ITPRID1: variants seen among roughly 807,000 people sequenced by gnomAD.
The protein encoded by ITPRID1 is ITPR interacting domain containing 1.
ITPRID1 carries 96 observed loss-of-function variants against 95.4 expected under a neutral mutation model. That is an observed-to-expected ratio of 1.01 (90% CI 0.85 to 1.19). ITPRID1 has a LOEUF of 1.19. Among genes scored for constraint, ITPRID1 ranks in the 50% most tolerant of loss-of-function variants. ITPRID1 has a pLI of 0.00. For synonymous variants in ITPRID1, 510 were observed against 453.6 expected (o/e 1.12, Z -1.58); for missense variants, 1,339 against 1,252.9 (o/e 1.07, Z -1.04).
At chr7:31,556,951 G>T (rs1293768988) in intron 5 of ITPRID1, among the ~76,000 whole-genome samples, 2 of 151,864 alleles carry the variant, frequency 1.3e-5, no homozygotes, top group African/African-American at 2.4e-5. Context: ...AATCCCTCCT[G>T]GTTTCTTTCT....
At chr7:31,555,553 A>C (rs1384398151) in intron 5 of ITPRID1, among the ~76,000 whole-genome samples, 2 of 152,096 alleles carry the variant, frequency 1.3e-5, no homozygotes, top group African/African-American at 4.8e-5. Flanking sequence ...AGAAAAAAAA[A>C]ACAAAACCTG....
chr7:31,645,842 A>G (rs1323739412), intron 12 of ITPRID1, among the ~76,000 whole-genome samples: 3 of 152,166 alleles, frequency 2.0e-5, no homozygotes, highest in African/African-American at 7.2e-5. Context: ...AGCCACCACA[A>G]CAATGAATTC....
intron 1 of ITPRID1, among the ~76,000 whole-genome samples, chr7:31,542,831 T>C (rs938435599): frequency 1.1e-4 from 16 of 152,160 alleles, no homozygotes; most frequent in African/African-American, 3.6e-4. Flanking sequence ...CTGACAACTC[T>C]TAAGACATTT....
At chr7:31,557,943 G>A (rs1274645367) in intron 5 of ITPRID1, among the ~76,000 whole-genome samples, 1 of 152,184 alleles carries the variant, frequency 6.6e-6, no homozygotes, top group Non-Finnish European at 1.5e-5. Flanking sequence ...AACTCATGTT[G>A]AAACTTAATC....
chr7:31,619,497 A>G (rs1328143348), intron 10 of ITPRID1, among the ~76,000 whole-genome samples: 2 of 152,172 alleles, frequency 1.3e-5, no homozygotes, highest in Non-Finnish European at 2.9e-5. Flanking sequence ...GTATCATAGC[A>G]TTTTGATAAG....
chr7:31,629,224 C>A lies in ITPRID1; in HGVS notation c.1229-12952C>A, dbSNP rs1447595362. Among the ~76,000 whole-genome samples, 4 of 152,110 alleles carry A rather than the reference C, an allele frequency of 2.6e-5. No individual in the cohort carries two copies. The East Asian group carries it at 7.7e-4, about 29-fold the overall frequency. ...AAATCGGATCTGCCCTCCTTTTTGTCTCAGGAATATCTACTAAGTATCTAT... is the reference window on the plus strand; with the variant it reads ...AAATCGGATCTGCCCTCCTTTTTGTATCAGGAATATCTACTAAGTATCTAT... On this transcript the variant is annotated intron_variant, in intron 10 of 14. Coordinates refer to ENST00000615280, the MANE Select transcript of ITPRID1 (RefSeq NM_001257967.3).
rs923325426 is a variant in ITPRID1 at position 31,562,054 on chromosome 7, A to G, written c.256+7153A>G. ...TGAAAGCTATGTATTTAAAAAAAAA[A>G]AAAAAAAAAAAAAAAAGCCTGGAGA... On this transcript the variant is annotated intron_variant, in intron 5 of 14. Transcript: ENST00000615280. Among the ~76,000 whole-genome samples, 41 of 140,524 alleles carry G rather than the reference A, an allele frequency of 2.9e-4. 2 individuals carry two copies. Among genetic ancestry groups the G allele is most frequent in the African/African-American group, 9.2e-4 (36 of 38,922 alleles). The allele number at this position is 140,524 out of a possible 152,430, so 92.2% of individuals were successfully genotyped here. A position where few individuals can be genotyped will look rare whatever the true frequency, so the allele number is the denominator to read the frequency against.
chr7:31,613,668 A>G (rs902545573), intron 10 of ITPRID1, among the ~76,000 whole-genome samples: 3 of 152,198 alleles, frequency 2.0e-5, no homozygotes, highest in African/African-American at 7.2e-5. Flanking sequence ...TTAAATTCAC[A>G]CATGATCAGC....
At chr7:31,616,903 T>G (rs1386827678) in intron 10 of ITPRID1, among the ~76,000 whole-genome samples, 1 of 152,204 alleles carries the variant, frequency 6.6e-6, no homozygotes, top group African/African-American at 2.4e-5. Flanking sequence ...CTTTTTGCCT[T>G]CTTGGTGGTT....
At chr7:31,565,625 C>CT (rs1784772634) in intron 5 of ITPRID1, among the ~76,000 whole-genome samples, 1 of 152,100 alleles carries the variant, frequency 6.6e-6, no homozygotes. Context: ...GTAATCTCAG[C>CT]TACTAGTGAG....
intron 1 of ITPRID1, among the ~76,000 whole-genome samples, chr7:31,539,594 G>A (rs1783866666): frequency 6.6e-6 from 1 of 152,220 alleles, no homozygotes; most frequent in South Asian, 2.1e-4. Context: ...CAAAGTGCCT[G>A]TACTGTAAGA....
intron 5 of ITPRID1, among the ~76,000 whole-genome samples, chr7:31,560,425 G>T (rs941907832): frequency 2.0e-5 from 3 of 152,210 alleles, no homozygotes; most frequent in African/African-American, 7.2e-5. Flanking sequence ...AACTTTAGCT[G>T]CTGTTCACAG....
chr7:31,530,737 A>T (rs1240822563), intron 1 of ITPRID1, among the ~76,000 whole-genome samples: 1 of 152,162 alleles, frequency 6.6e-6, no homozygotes, highest in East Asian at 1.9e-4. Flanking sequence ...GTGACTTAAT[A>T]CTTGGGTTCA....
At chr7:31,618,088 T>A (rs997113880) in intron 10 of ITPRID1, among the ~76,000 whole-genome samples, 3 of 152,168 alleles carry the variant, frequency 2.0e-5, no homozygotes, top group Admixed American at 2.0e-4. Context: ...GTTCACAGAC[T>A]TTTAGGGAAC....
chr7:31,642,272 G>C lies in ITPRID1; in HGVS notation c.1311+14G>C. 2 of 1,524,986 alleles carry C rather than the reference G, an allele frequency of 1.3e-6. No homozygotes were observed. Among genetic ancestry groups the C allele is most frequent in the Middle Eastern group, 1.8e-4 (1 of 5,626 alleles). The allele number at this position is 1,524,986 out of a possible 1,614,324, so 94.5% of individuals were successfully genotyped here. Reference sequence around the variant, plus strand: ...CTGCCCCTCCAGGTAGGAGGGTTTGGAACAGGGCCCTGTTGCTCATCCCTA... The same window carrying C: ...CTGCCCCTCCAGGTAGGAGGGTTTGCAACAGGGCCCTGTTGCTCATCCCTA... On this transcript the variant is annotated intron_variant, in intron 11 of 14. Coordinates refer to ENST00000615280, the MANE Select transcript of ITPRID1 (RefSeq NM_001257967.3).
chr7:31,620,545 G>C lies in ITPRID1; in HGVS notation c.1229-21631G>C, dbSNP rs577666412. On this transcript the variant is annotated intron_variant, in intron 10 of 14. Coordinates refer to ENST00000615280, the MANE Select transcript of ITPRID1 (RefSeq NM_001257967.3). ...CAAACTCCAACAGACCTGCAGCTGAGGGTCCTGTCTGTTAGAAGGAAAACT... is the reference window on the plus strand; with the variant it reads ...CAAACTCCAACAGACCTGCAGCTGACGGTCCTGTCTGTTAGAAGGAAAACT... 1.3e-4 allele frequency among the ~76,000 whole-genome samples: 20 copies of C among 151,404 alleles called. No homozygotes were observed. The East Asian group carries it at 3.9e-3, about 30-fold the overall frequency.
intron 10 of ITPRID1, among the ~76,000 whole-genome samples, chr7:31,620,476 C>G (rs185036941): frequency 9.3e-5 from 14 of 151,248 alleles, no homozygotes; most frequent in South Asian, 2.1e-4. Context: ...CTGCAGACAC[C>G]ACTGCTGATA....
At chr7:31,534,109 A>G (rs548059378) in intron 1 of ITPRID1, among the ~76,000 whole-genome samples, 165 of 152,306 alleles carry the variant, frequency 1.1e-3, no homozygotes, top group African/African-American at 3.8e-3. Flanking sequence ...ATGCCTGATA[A>G]TCTGAGGTGG....
chr7:31,658,232 G>A (rs895773280), downstream of ITPRID1: 126 of 1,462,846 alleles, frequency 8.6e-5, no homozygotes, highest in Non-Finnish European at 1.1e-4. Flanking sequence ...GAAAAATGTT[G>A]CATTAGGTTT....
Sources: allele counts gnomAD v4.1 joint callset (sites outside exome capture counted in the v4.1 genomes callset), GRCh38; gene constraint gnomAD v4.1.1; transcripts MANE v1.5; gene names NCBI Gene and HGNC (gene_info 2026-07-23, HGNC 2026-07-21).